Variants in CTSC observed in about 807,000 individuals in gnomAD.
CTSC encodes the protein dipeptidyl peptidase 1.
Under a neutral mutation model 40.9 loss-of-function variants are expected in CTSC, and 37 were observed. That is an observed-to-expected ratio of 0.91 (90% CI 0.70 to 1.19). The LOEUF (loss-of-function observed/expected upper bound fraction) is 1.19. Ranked by LOEUF, CTSC falls within the 50% of genes most tolerant of loss-of-function variation. The probability of loss-of-function intolerance (pLI) is 0.00; values close to 1 mark genes in which losing one functional copy is unlikely to be tolerated. For synonymous variants in CTSC, 232 were observed against 207.4 expected, an observed-to-expected ratio of 1.12 and a Z score of -1.02; for missense variants, 594 against 567.3, an observed-to-expected ratio of 1.05 and a Z score of -0.48.
chr11:88,327,956 A>G, intron 2 of CTSC: 1 of 674,414 alleles, frequency 1.5e-6, no homozygotes, highest in South Asian at 1.6e-5. Context: ...ACTTAGAAAC[A>G]GCAGACAAGC....
chr11:88,327,885 T>C (rs1384680585), intron 2 of CTSC: 1 of 547,014 alleles, frequency 1.8e-6, no homozygotes, highest in South Asian at 2.1e-5. Flanking sequence ...GAGAGCTGAT[T>C]TGACATGTGA....
intron 4 of CTSC, among the ~76,000 whole-genome samples, chr11:88,305,563 T>G (rs1937624049): frequency 6.6e-6 from 1 of 152,252 alleles, no homozygotes. Flanking sequence ...GTCTGTAATT[T>G]CAGCAGTTTC....
chr11:88,332,175 T>C (rs1402383020), intron 2 of CTSC, among the ~76,000 whole-genome samples: 1 of 152,210 alleles, frequency 6.6e-6, no homozygotes. Flanking sequence ...CAAATATTTC[T>C]GTAATGGCAG....
At chr11:88,329,455 CAAAAAAAAAAAAAAA>C (rs34568364) in intron 2 of CTSC, among the ~76,000 whole-genome samples, 13 of 67,870 alleles carry the variant, frequency 1.9e-4, no homozygotes, top group South Asian at 7.9e-4. Context: ...GACTCCATTT[CAAAAAAAAAAAAAAA>C]AAAAAAAAAA....
chr11:88,321,000 G>A (rs1318920309), intron 2 of CTSC: 20 of 985,102 alleles, frequency 2.0e-5, no homozygotes, highest in Non-Finnish European at 2.3e-5. Flanking sequence ...ATTATATTCA[G>A]GGATCTTCTG....
intron 2 of CTSC, among the ~76,000 whole-genome samples, chr11:88,331,463 AG>A: frequency 6.6e-6 from 1 of 152,312 alleles, no homozygotes; most frequent in South Asian, 2.1e-4. Context: ...GCACTTGAAG[AG>A]ATACATAGAG....
At chr11:88,328,137 A>T in intron 2 of CTSC, 1 of 1,613,584 alleles carries the variant, frequency 6.2e-7, no homozygotes, top group Non-Finnish European at 8.5e-7. Flanking sequence ...GATGTGGCAA[A>T]TCATATATCC....
chr11:88,324,919 C>T, intron 2 of CTSC: 1 of 985,254 alleles, frequency 1.0e-6, no homozygotes, highest in Non-Finnish European at 1.2e-6. Flanking sequence ...AATAGCAGAA[C>T]AGTATACCTC....
At chr11:88,334,389 T>C (rs1343283875) in intron 2 of CTSC, among the ~76,000 whole-genome samples, 2 of 152,344 alleles carry the variant, frequency 1.3e-5, no homozygotes, top group East Asian at 3.9e-4. Flanking sequence ...TGGGTTGACT[T>C]GGCTACCTTT....
At chr11:88,316,025 G>T (rs190606806) in intron 2 of CTSC, among the ~76,000 whole-genome samples, 1,644 of 152,014 alleles carry the variant, frequency 0.011, 8 homozygotes, top group Non-Finnish European at 0.016. Context: ...AAAAAAAGGT[G>T]CAGAGAATTA....
intron 2 of CTSC, among the ~76,000 whole-genome samples, chr11:88,315,750 C>T (rs1329486738): frequency 1.4e-5 from 2 of 147,686 alleles, no homozygotes; most frequent in East Asian, 2.1e-4. Flanking sequence ...CTTCTTCCTA[C>T]AATTTGTCTT....
chr11:88,325,294 T>A, intron 2 of CTSC: 1 of 985,388 alleles, frequency 1.0e-6, no homozygotes, highest in Non-Finnish European at 1.2e-6. Context: ...GTTTTGGTCT[T>A]CAATGAAAAA....
chr11:88,312,981 A>C (rs184978940), intron 2 of CTSC, among the ~76,000 whole-genome samples: 8 of 152,342 alleles, frequency 5.3e-5, no homozygotes, highest in Admixed American at 5.2e-4. Flanking sequence ...GCAACAGGCG[A>C]AGTGGCAGAA....
At chr11:88,316,375 G>A (rs217051) in intron 2 of CTSC, among the ~76,000 whole-genome samples, 41,940 of 151,724 alleles carry the variant, frequency 0.28, 7,069 homozygotes, top group East Asian at 0.56. Context: ...TTGGAACGCC[G>A]AGGTTGGGGG....
rs909641313 is a variant in CTSC, at chr11:88,300,658, T to C, written c.642-13A>G. ...TGCAGGTTTGGGCCTAGAAAGGAAATATACATTTGATATCAACATATAATC... is the reference window on the plus strand; with the variant it reads ...TGCAGGTTTGGGCCTAGAAAGGAAACATACATTTGATATCAACATATAATC... On this transcript the variant is annotated splice_polypyrimidine_tract_variant and intron_variant, in intron 4 of 6. Transcript: ENST00000227266. 2 of 1,461,878 alleles carry C rather than the reference T, an allele frequency of 1.4e-6. No individual in the cohort carries two copies. The highest frequency in any genetic ancestry group is 1.9e-6 in the Non-Finnish European group (2 of 1,041,330). 90.6% of individuals were successfully genotyped at this position (1,461,878 alleles called of 1,614,324 possible). A position where few individuals can be genotyped will look rare whatever the true frequency, so the allele number is the denominator to read the frequency against.
At chr11:88,315,624 TCA>T (rs1937858624) in intron 2 of CTSC, among the ~76,000 whole-genome samples, 2 of 152,152 alleles carry the variant, frequency 1.3e-5, no homozygotes, top group East Asian at 3.8e-4. Context: ...TACAGATTAC[TCA>T]TAAATCTTAC....
chr11:88,316,930 G>C (rs1217733943), intron 2 of CTSC, among the ~76,000 whole-genome samples: 1 of 151,792 alleles, frequency 6.6e-6, no homozygotes, highest in African/African-American at 2.4e-5. Context: ...TTCCCTTCAA[G>C]CTTTCTAATT....
chr11:88,302,251 G>C (rs1009657424), intron 4 of CTSC, among the ~76,000 whole-genome samples: 3 of 152,084 alleles, frequency 2.0e-5, no homozygotes, highest in African/African-American at 7.2e-5. Context: ...GATTCTTTCT[G>C]GGCTACTTCA....
chr11:88,337,508 C>T lies in CTSC; in HGVS notation c.165G>A (p.Ser55=), dbSNP rs773826121. 4.4e-6 allele frequency: 7 copies of T among 1,573,284 alleles called. No homozygotes were observed. In the South Asian group the frequency reaches 5.8e-5, roughly 13 times the overall value. Reference sequence around the variant, plus strand: ...GCCGAGCCGGCGGCTTACCCATAACCGAGCAGTTGACATCGCGCTGGGAAC... The same window carrying T: ...GCCGAGCCGGCGGCTTACCCATAACTGAGCAGTTGACATCGCGCTGGGAAC... The part of the protein sequence containing the change: ...SSGSQRDVNC[S]VMGPQEKKVV... Residue 55 remains serine (S), a synonymous_variant, in exon 1 of 7, where the codon TCG becomes TCA. Coordinates refer to ENST00000227266, the MANE Select transcript of CTSC (RefSeq NM_001814.6).
Sources: gnomAD v4.1 joint callset for allele counts (sites outside exome capture counted in the v4.1 genomes callset) on GRCh38, gnomAD v4.1.1 for gene constraint, MANE v1.5 for transcripts, NCBI Gene and HGNC (gene_info 2026-07-23, HGNC 2026-07-21) for gene names.